Variants in PLEKHG4B observed in about 807,000 individuals in gnomAD.
The protein encoded by PLEKHG4B is pleckstrin homology and RhoGEF domain containing G4B, also known as pleckstrin homology domain-containing family G member 4B.
PLEKHG4B carries 111 observed loss-of-function variants against 121.3 expected under a neutral mutation model. The ratio of observed to expected loss-of-function variants is 0.92; its 90% confidence interval spans 0.78 to 1.07. The LOEUF is 1.07. Ranked by LOEUF, PLEKHG4B falls within the 50% of genes least tolerant of loss-of-function variation. The probability of loss-of-function intolerance (pLI) is 0.00; values close to 1 mark genes in which losing one functional copy is unlikely to be tolerated. For missense variants in PLEKHG4B, 1,831 were observed against 1,757.8 expected, an observed-to-expected ratio of 1.04 and a Z score of -0.74; for synonymous variants, 738 against 725.0, an observed-to-expected ratio of 1.02 and a Z score of -0.29.
rs2126426419 is a variant in PLEKHG4B, at chr5:156,674, A to T, written c.2349-99A>T. On this transcript the variant is annotated intron_variant, in intron 10 of 19. Coordinates refer to ENST00000637938, the MANE Select transcript of PLEKHG4B (RefSeq NM_052909.5). This position sits in a 1 kb window ranked among gnomAD's most constrained non-coding sequence, Gnocchi z 4.4. ...GGGGCTCCCGTTGCCTTGTGGCATG[A>T]GGGAATGGAAAGAGCAGGGTTTTTA... The T allele has an allele frequency of 4.2e-6, 6 of 1,424,994 alleles. No homozygotes were observed. The highest frequency in any genetic ancestry group is 3.7e-6 in the Non-Finnish European group (4 of 1,066,944). 88.3% of individuals were successfully genotyped at this position (1,424,994 alleles called of 1,614,324 possible).
At chr5:135,424 T>A (rs1284937133) in intron 2 of PLEKHG4B, among the ~76,000 whole-genome samples, 1 of 150,360 alleles carries the variant, frequency 6.7e-6, no homozygotes, top group South Asian at 2.1e-4. Context: ...GCCAGTACTT[T>A]GGGAGGCCGA....
chr5:167,101 T>C (rs573706765), intron 13 of PLEKHG4B, among the ~76,000 whole-genome samples: 1 of 152,330 alleles, frequency 6.6e-6, no homozygotes, highest in South Asian at 2.1e-4. Flanking sequence ...AGTGAGTACA[T>C]TGTCCATTTA....
At chr5:110,756 A>G (rs1307101347) in intron 1 of PLEKHG4B, among the ~76,000 whole-genome samples, 1 of 152,210 alleles carries the variant, frequency 6.6e-6, no homozygotes, top group Non-Finnish European at 1.5e-5. Context: ...AAACGTGCAC[A>G]CATCCACACA....
At chr5:177,209 A>G (rs1736785886) in intron 18 of PLEKHG4B, among the ~76,000 whole-genome samples, 3 of 152,114 alleles carry the variant, frequency 2.0e-5, no homozygotes, top group Non-Finnish European at 4.4e-5. Flanking sequence ...GGATGCTTAT[A>G]TCATTGATTT....
chr5:153,165 T>C (rs1195343404), intron 7 of PLEKHG4B, among the ~76,000 whole-genome samples: 1 of 152,226 alleles, frequency 6.6e-6, no homozygotes, highest in Non-Finnish European at 1.5e-5. Flanking sequence ...TCTCCTGAGT[T>C]TTCCTCTCCT....
chr5:173,259 A>G (rs139016734), intron 17 of PLEKHG4B, among the ~76,000 whole-genome samples, 192 bp downstream of exon 17: 71 of 152,278 alleles, frequency 4.7e-4, no homozygotes, highest in African/African-American at 1.6e-3. Flanking sequence ...AGCTGCAAGG[A>G]GAAGTGTGTC....
chr5:154,816 G>A (rs1213345562), intron 7 of PLEKHG4B, 59 bp from the exon 8 acceptor site: 10 of 1,305,310 alleles, frequency 7.7e-6, no homozygotes, highest in Non-Finnish European at 1.0e-5. Flanking sequence ...GCCATTTACA[G>A]TGTTTGCCCC....
intron 6 of PLEKHG4B, among the ~76,000 whole-genome samples, chr5:147,061 G>T (rs1735443907): frequency 6.6e-6 from 1 of 152,176 alleles, no homozygotes; most frequent in African/African-American, 2.4e-5. Context: ...GCAGAAATTG[G>T]CTGGCCTGGG....
chr5:121,439 A>G (rs1168309305), intron 2 of PLEKHG4B, among the ~76,000 whole-genome samples: 1 of 152,148 alleles, frequency 6.6e-6, no homozygotes, highest in Non-Finnish European at 1.5e-5. Context: ...AATGAACAAA[A>G]CCTCAGTAAC....
chr5:161,970 C>T (rs1736022148), intron 12 of PLEKHG4B, 26 bp downstream of exon 12: 3 of 1,585,274 alleles, frequency 1.9e-6, no homozygotes, highest in Non-Finnish European at 2.6e-6. Flanking sequence ...GGCGTGCGTC[C>T]CAGGGATCCC....
Position 154,918 on chromosome 5 carries a change from A to G in PLEKHG4B, c.2036A>G (p.Asp679Gly). ...CTGAAGGCCGTGCACAAATTTGTTG[A>G]CAGCTGCCAGCTGACCGCAGACCTC... is the stretch of plus-strand genomic sequence containing the variant. The part of the protein sequence containing the change: ...SSLKAVHKFV[D>G]SCQLTADLDG... Residue 679 changes from aspartate to glycine, a missense_variant, in exon 8 of 20, where the codon GAC becomes GGC. Asp to Gly is a moderately conservative substitution (Grantham distance 94). Transcript: ENST00000637938. 1 of 1,613,828 alleles carries G rather than the reference A, an allele frequency of 6.2e-7. No homozygotes were observed.
chr5:135,472 T>C (rs902392151), intron 2 of PLEKHG4B, among the ~76,000 whole-genome samples: 1 of 149,574 alleles, frequency 6.7e-6, no homozygotes, highest in African/African-American at 2.5e-5. Context: ...GAGACCATCC[T>C]GGCTAACACA....
In PLEKHG4B at chr5:174,224, A is replaced by G. The variant is rs1205606781; in HGVS notation, c.4402+126A>G. ...GGCCAGGGGGCTGGGGGCCAGGGCTAGAGCTGGGGCTGGAGCTGTGGTCGG... is the reference window on the plus strand; with the variant it reads ...GGCCAGGGGGCTGGGGGCCAGGGCTGGAGCTGGGGCTGGAGCTGTGGTCGG... On this transcript the variant is annotated intron_variant, in intron 18 of 19. Coordinates refer to ENST00000637938, the MANE Select transcript of PLEKHG4B (RefSeq NM_052909.5). The G allele has an allele frequency of 5.0e-6, 3 of 596,602 alleles. No individual in the cohort carries two copies. In the Admixed American group the frequency reaches 1.4e-4, roughly 28 times the overall value. 37.0% of individuals were successfully genotyped at this position (596,602 alleles called of 1,614,324 possible). A position where few individuals can be genotyped will look rare whatever the true frequency, so the allele number is the denominator to read the frequency against.
At chr5:125,554 CTAG>C (rs1357003538) in intron 2 of PLEKHG4B, among the ~76,000 whole-genome samples, 40 of 152,152 alleles carry the variant, frequency 2.6e-4, no homozygotes, top group Admixed American at 1.8e-3. Context: ...CTAATTATTA[CTAG>C]TAGTATGAAG....
intron 5 of PLEKHG4B, 33 bp from the exon 6 acceptor site, chr5:144,794 A>G (rs1735348018): frequency 1.3e-6 from 2 of 1,557,018 alleles, no homozygotes; most frequent in South Asian, 1.1e-5. Flanking sequence ...TTTAACCTTC[A>G]GTGGTTAAGA....
intron 16 of PLEKHG4B, 50 bp downstream of exon 16, chr5:171,494 C>A: frequency 6.7e-7 from 1 of 1,482,362 alleles, no homozygotes. Flanking sequence ...GAATTTGAGG[C>A]TGCTGGTGAG....
intron 2 of PLEKHG4B, among the ~76,000 whole-genome samples, chr5:133,717 G>C (rs1032550682): frequency 6.6e-6 from 1 of 152,036 alleles, no homozygotes; most frequent in Non-Finnish European, 1.5e-5. Context: ...GGAAAACAGC[G>C]TGGAGATTCC....
chr5:163,320 C>A lies in PLEKHG4B; in HGVS notation c.3248C>A (p.Thr1083Lys). Residue 1083 changes from threonine (T) to lysine (K), a missense_variant, in exon 13 of 20, where the codon ACG becomes AAG. Transcript: ENST00000637938. Reference protein sequence around the residue: ...KHPQKKMIKKTQSFEIPQPDS... With the variant: ...KHPQKKMIKKKQSFEIPQPDS... ...CCCCAGAAGAAAATGATAAAGAAAA[C>A]GCAAAGTTTCGAGATACCTCAGCCC... 1 of 1,613,430 alleles carries A rather than the reference C, an allele frequency of 6.2e-7. No homozygotes were observed. Among genetic ancestry groups the A allele is most frequent in the Non-Finnish European group, 8.5e-7 (1 of 1,180,022 alleles).
rs1735809404 is a variant in PLEKHG4B, at chr5:157,079, T to G, written c.2487+168T>G. ...GCCTTGCTGCTTGTGTAAAAAGAAA[T>G]AAATTTTATTTTTTACGTGAGAGAT... On this transcript the variant is annotated intron_variant, in intron 11 of 19. Coordinates refer to ENST00000637938, the MANE Select transcript of PLEKHG4B (RefSeq NM_052909.5). The surrounding 1 kb of genome is among the most constrained non-coding windows in gnomAD (Gnocchi z 4.6). 1.9e-6 allele frequency: 2 copies of G among 1,054,238 alleles called. No individual in the cohort carries two copies. Among genetic ancestry groups the G allele is most frequent in the East Asian group, 2.6e-5 (1 of 37,914 alleles). 65.3% of individuals were successfully genotyped at this position (1,054,238 alleles called of 1,614,324 possible). A position where few individuals can be genotyped will look rare whatever the true frequency, so the allele number is the denominator to read the frequency against.
Sources: allele counts gnomAD v4.1 joint callset (sites outside exome capture counted in the v4.1 genomes callset), GRCh38; gene constraint gnomAD v4.1.1; non-coding constraint Gnocchi (gnomAD v3.1); transcripts MANE v1.5; gene names NCBI Gene and HGNC (gene_info 2026-07-23, HGNC 2026-07-21).